Variants in SARDH observed in about 807,000 individuals in gnomAD.
The protein encoded by SARDH is sarcosine dehydrogenase.
SARDH carries 95 observed loss-of-function variants against 109.1 expected under a neutral mutation model. That is an observed-to-expected ratio of 0.87 (90% CI 0.74 to 1.03). SARDH has a LOEUF of 1.03. Ranked by LOEUF, SARDH falls within the 50% of genes least tolerant of loss-of-function variation. SARDH has a pLI of 0.00. For missense variants in SARDH, 1,267 were observed against 1,287.8 expected, an observed-to-expected ratio of 0.98 and a Z score of 0.25; for synonymous variants, 572 against 534.8, an observed-to-expected ratio of 1.07 and a Z score of -0.96.
At chr9:133,664,112 C>A in intron 20 of SARDH, 98 bp from the exon 21 acceptor site, 1 of 1,501,502 alleles carries the variant, frequency 6.7e-7, no homozygotes, top group Non-Finnish European at 9.0e-7. Flanking sequence ...GTCTTGCTAC[C>A]TGCCCTGTGG....
In SARDH at chr9:133,712,830, G is replaced by A. The variant is rs1452911962; in HGVS notation, c.1238-121C>T. 1.0e-6 allele frequency: 1 copy of A among 1,003,160 alleles called. No homozygotes were observed. The highest frequency in any genetic ancestry group is 2.6e-5 in the East Asian group (1 of 38,960). 62.1% of individuals were successfully genotyped at this position (1,003,160 alleles called of 1,614,324 possible). ...CTCCAAGCTCTGCTCTCACACCTGGGGTGCTGCACGCCTCCTGATTGGACT... is the reference window on the plus strand; with the variant it reads ...CTCCAAGCTCTGCTCTCACACCTGGAGTGCTGCACGCCTCCTGATTGGACT... On this transcript the variant is annotated intron_variant, in intron 9 of 20. Coordinates refer to ENST00000439388, the MANE Select transcript of SARDH (RefSeq NM_001134707.2). The surrounding 1 kb of genome is among the most constrained non-coding windows in gnomAD (Gnocchi z 4.1).
rs2131505538 is a variant in SARDH at position 133,731,289 on chromosome 9, A to G, written c.690+16T>C. 1 of 1,613,362 alleles carries G rather than the reference A, an allele frequency of 6.2e-7. No individual in the cohort carries two copies. The highest frequency in any genetic ancestry group is 8.5e-7 in the Non-Finnish European group (1 of 1,179,590). On this transcript the variant is annotated intron_variant, in intron 4 of 20. Transcript: ENST00000439388. ...GGCTGGGAACAGGGGACCCAGAGCC[A>G]GGCGGCCATCAGTACCTGTGCTCCT...
chr9:133,727,789 C>G lies in SARDH; in HGVS notation c.915+1976G>C, dbSNP rs111653468. Among the ~76,000 whole-genome samples, 937 of 152,310 alleles carry G rather than the reference C, an allele frequency of 6.2e-3. 16 individuals are homozygous for G. The highest frequency in any genetic ancestry group is 0.021 in the African/African-American group (876 of 41,570). The stretch of plus-strand genomic sequence containing the variant: ...TAACACCCCCTAGCTTCGCTTGAAT[C>G]TTGACATACACAGGAGGGGGCAGCT... On this transcript the variant is annotated intron_variant, in intron 6 of 20. Coordinates refer to ENST00000439388, the MANE Select transcript of SARDH (RefSeq NM_001134707.2).
chr9:133,666,723 A>G lies in SARDH; in HGVS notation c.2631+12T>C. ...GGCATCTGCCTTAGCAGGGCCAGAGAAGGGGACTCACCGGCCCACCGCTGG... is the reference window on the plus strand; with the variant it reads ...GGCATCTGCCTTAGCAGGGCCAGAGGAGGGGACTCACCGGCCCACCGCTGG... On this transcript the variant is annotated intron_variant, in intron 20 of 20. Coordinates refer to ENST00000439388, the MANE Select transcript of SARDH (RefSeq NM_001134707.2). The surrounding 1 kb of genome is among the most constrained non-coding windows in gnomAD (Gnocchi z 5.2). 1 of 1,581,428 alleles carries G rather than the reference A, an allele frequency of 6.3e-7. No individual in the cohort carries two copies. The highest frequency in any genetic ancestry group is 8.6e-7 in the Non-Finnish European group (1 of 1,164,198).
At chr9:133,725,559 C>T (rs538976462) in intron 6 of SARDH, 1 of 428,894 alleles carries the variant, frequency 2.3e-6, no homozygotes, top group Admixed American at 2.6e-5. Flanking sequence ...ACATTTAATC[C>T]CAGCTACATG....
rs1395362474 is a variant in SARDH, at chr9:133,702,932, G to T, written c.1652C>A (p.Pro551Gln). Residue 551 changes from proline (P) to glutamine (Q), a missense_variant, in exon 13 of 21, where the codon CCG becomes CAG. Pro to Gln is a moderately conservative substitution (Grantham distance 76). Transcript: ENST00000439388. ...GCTACGCACCGTGTCGTGGTGGGGC[G>T]GGAAGGCGAAGGTGTACTCGTCTGC... ...LLADEYTFAF[P>Q]PHHDTIKKEC... The T allele has an allele frequency of 6.2e-7, 1 of 1,612,350 alleles. No individual in the cohort carries two copies. The highest frequency in any genetic ancestry group is 1.7e-5 in the Admixed American group (1 of 60,022).
At chr9:133,713,795 G>A (rs1001232898) in intron 8 of SARDH, among the ~76,000 whole-genome samples, 5 of 152,314 alleles carry the variant, frequency 3.3e-5, no homozygotes, top group Admixed American at 1.3e-4. Context: ...GAGTCACTTC[G>A]CCTCTCTGAG....
In SARDH at chr9:133,712,260, TAC is replaced by T. The variant is rs1032191167; in HGVS notation, c.1328+357_1328+358del. Among the ~76,000 whole-genome samples, 2 of 152,106 alleles carry T rather than the reference TAC, an allele frequency of 1.3e-5. No homozygotes were observed. The highest frequency in any genetic ancestry group is 2.9e-5 in the Non-Finnish European group (2 of 68,004). The stretch of plus-strand genomic sequence containing the variant: ...GGCTGCCTGGCTGCAAGCCGCGGCA[TAC>T]ACACTCAGCACAGTTTTCCCAGCTC... On this transcript the variant is annotated intron_variant, in intron 10 of 20. Coordinates refer to ENST00000439388, the MANE Select transcript of SARDH (RefSeq NM_001134707.2). This position sits in a 1 kb window ranked among gnomAD's most constrained non-coding sequence, Gnocchi z 4.1.
intron 16 of SARDH, 88 bp from the exon 17 acceptor site, chr9:133,685,374 G>T: frequency 1.0e-6 from 1 of 962,556 alleles, no homozygotes; most frequent in Non-Finnish European, 1.6e-6. Flanking sequence ...CCATGAGTGG[G>T]ATAAGTCCCT....
intron 6 of SARDH, among the ~76,000 whole-genome samples, chr9:133,722,236 G>C (rs947761134): frequency 2.0e-5 from 3 of 152,044 alleles, no homozygotes; most frequent in African/African-American, 7.2e-5. Flanking sequence ...CAAAGTACAG[G>C]ACAAAAACCA....
intron 8 of SARDH, among the ~76,000 whole-genome samples, chr9:133,714,010 C>T (rs780919993): frequency 2.0e-5 from 3 of 152,290 alleles, no homozygotes; most frequent in South Asian, 2.1e-4. Flanking sequence ...AAAGAAAATA[C>T]GATGAACTGA....
chr9:133,674,144 G>A (rs1358642555), intron 17 of SARDH, among the ~76,000 whole-genome samples: 1 of 152,250 alleles, frequency 6.6e-6, no homozygotes, highest in Admixed American at 6.5e-5. Context: ...CAAAGCAGTG[G>A]AGTGGGATCA....
At chr9:133,681,862 G>A (rs1182800920) in intron 17 of SARDH, among the ~76,000 whole-genome samples, 1 of 152,074 alleles carries the variant, frequency 6.6e-6, no homozygotes, top group Non-Finnish European at 1.5e-5. Context: ...GTGTCCCCAC[G>A]ATCGCGCACG....
In SARDH at chr9:133,666,961, G is replaced by A. The variant is rs1564225451; in HGVS notation, c.2496-91C>T. 1 of 1,530,654 alleles carries A rather than the reference G, an allele frequency of 6.5e-7. No homozygotes were observed. Among genetic ancestry groups the A allele is most frequent in the East Asian group, 2.3e-5 (1 of 42,648 alleles). 94.8% of individuals were successfully genotyped at this position (1,530,654 alleles called of 1,614,324 possible). On this transcript the variant is annotated intron_variant, in intron 19 of 20. Transcript: ENST00000439388. The surrounding 1 kb of genome is among the most constrained non-coding windows in gnomAD (Gnocchi z 5.2). Reference sequence around the variant, plus strand: ...CCTGGAGGAGAATGGGGGGCTGCATGATGCACACCCAACCGTGGCTCCAGG... The same window carrying A: ...CCTGGAGGAGAATGGGGGGCTGCATAATGCACACCCAACCGTGGCTCCAGG...
intron 16 of SARDH, among the ~76,000 whole-genome samples, chr9:133,689,133 C>T (rs554195091): frequency 3.3e-5 from 5 of 152,280 alleles, no homozygotes; most frequent in East Asian, 1.9e-4. Flanking sequence ...AGCCCTGCTA[C>T]GTCAAGTGCT....
downstream of SARDH, among the ~76,000 whole-genome samples, chr9:133,660,147 C>G (rs1362513415): frequency 6.6e-6 from 1 of 151,668 alleles, no homozygotes; most frequent in East Asian, 1.9e-4. Flanking sequence ...CCCTACCCCG[C>G]TCCAGCAGTA....
intron 2 of SARDH, among the ~76,000 whole-genome samples, chr9:133,733,187 T>A (rs952085872): frequency 5.9e-5 from 9 of 152,152 alleles, no homozygotes; most frequent in South Asian, 4.1e-4. Flanking sequence ...CCGGCTCGCA[T>A]CAGCTCTCAG....
chr9:133,689,472 CT>C (rs1417158033), intron 16 of SARDH, among the ~76,000 whole-genome samples: 1 of 152,072 alleles, frequency 6.6e-6, no homozygotes, highest in African/African-American at 2.4e-5. Context: ...GGATTTTTAA[CT>C]CTTGAAAAAG....
At chr9:133,732,348 C>T in intron 3 of SARDH, 75 bp downstream of exon 3, 1 of 1,169,354 alleles carries the variant, frequency 8.6e-7, no homozygotes, top group Non-Finnish European at 1.2e-6. Flanking sequence ...GGGGTGCACC[C>T]ACCAATATGA....
Sources: gnomAD v4.1 joint callset for allele counts (sites outside exome capture counted in the v4.1 genomes callset) on GRCh38, gnomAD v4.1.1 for gene constraint, Gnocchi (gnomAD v3.1) non-coding constraint, MANE v1.5 for transcripts, NCBI Gene and HGNC (gene_info 2026-07-23, HGNC 2026-07-21) for gene names.